PTGER3: variants seen among roughly 807,000 people sequenced by gnomAD.
PTGER3 encodes the protein prostaglandin E receptor 3.
PTGER3 carries 22 observed loss-of-function variants against 34.7 expected under a neutral mutation model. That is an observed-to-expected ratio of 0.63 (90% confidence interval 0.45 to 0.91). The LOEUF (loss-of-function observed/expected upper bound fraction) is 0.91. PTGER3 is among the 40% of genes least tolerant of loss of function. The pLI is 0.00. For missense variants in PTGER3, 468 were observed against 519.4 expected (o/e 0.90, Z 0.96); for synonymous variants, 241 against 230.1 (o/e 1.05, Z -0.43).
intron 1 of PTGER3, among the ~76,000 whole-genome samples, chr1:71,040,803 G>C (rs1402533879): frequency 6.6e-6 from 1 of 152,126 alleles, no homozygotes; most frequent in African/African-American, 2.4e-5. Flanking sequence ...AGGGAAATGC[G>C]GGGTATCATG....
chr1:70,894,350 T>C (rs1312593854), intron 4 of PTGER3, among the ~76,000 whole-genome samples: 1 of 148,442 alleles, frequency 6.7e-6, no homozygotes, highest in East Asian at 2.0e-4. Context: ...CTGATAAATT[T>C]GTTTTCTTAT....
chr1:71,012,554 T>C (rs1448821071), intron 1 of PTGER3, 70 bp from the exon 2 acceptor site: 1 of 1,340,464 alleles, frequency 7.5e-7, no homozygotes, highest in Non-Finnish European at 1.0e-6. Flanking sequence ...ACACTGTACT[T>C]TGCACATAGT....
chr1:70,990,177 C>A (rs373228848), intron 2 of PTGER3, among the ~76,000 whole-genome samples: 1 of 151,400 alleles, frequency 6.6e-6, no homozygotes, highest in Admixed American at 6.6e-5. Context: ...CACGGTGAAA[C>A]CCCCTCTCTA....
At chr1:70,947,232 A>G (rs1650303321) in intron 4 of PTGER3, 1 of 152,132 alleles carries the variant, frequency 6.6e-6, no homozygotes, top group Non-Finnish European at 1.5e-5. Flanking sequence ...CCCAAATTTC[A>G]ACTTGAATTG....
chr1:70,973,121 CGTGTGT>C lies in PTGER3; in HGVS notation c.1169+1170_1169+1175del, dbSNP rs71898506. Among the ~76,000 whole-genome samples the C allele has an allele frequency of 2.6e-3, 374 of 143,888 alleles. 1 individual carries two copies. Among genetic ancestry groups the C allele is most frequent in the Non-Finnish European group, 3.3e-3 (218 of 65,920 alleles). 94.4% of individuals were successfully genotyped at this position (143,888 alleles called of 152,430 possible). On this transcript the variant is annotated intron_variant, in intron 3 of 3. Coordinates refer to ENST00000306666, the MANE Select transcript of PTGER3 (RefSeq NM_198719.2). ...ACAGCAAAACAGTACCCAGTGTGCA[CGTGTGT>C]GTGTGTGTGTGTGTGTGTGTGTGTG...
chr1:70,930,255 C>G (rs1271717545), intron 4 of PTGER3, among the ~76,000 whole-genome samples: 1 of 152,206 alleles, frequency 6.6e-6, no homozygotes, highest in East Asian at 1.9e-4. Context: ...CCTACTGACC[C>G]AGACTCCCCA....
In PTGER3 at chr1:71,046,940, C is replaced by T; in HGVS notation, c.638G>A (p.Gly213Glu). ...WPGTWCFIST[G>E]RGGNGTSSSH... The stretch of plus-strand genomic sequence containing the variant: ...AGAGCTAGTCCCGTTGCCCCCTCGC[C>T]CGGTGCTGATGAAGCACCACGTCCC... The change falls in exon 1 of 4, where the codon GGG becomes GAG. Residue 213 changes from glycine (G) to glutamate (E), a missense_variant. Coordinates refer to ENST00000306666, the MANE Select transcript of PTGER3 (RefSeq NM_198719.2). 3.1e-6 allele frequency: 5 copies of T among 1,607,946 alleles called. No individual in the cohort carries two copies. Among genetic ancestry groups the T allele is most frequent in the Non-Finnish European group, 2.5e-6 (3 of 1,177,372 alleles).
intron 4 of PTGER3, among the ~76,000 whole-genome samples, chr1:70,897,590 A>C (rs1447161687): frequency 6.6e-6 from 1 of 152,110 alleles, no homozygotes; most frequent in Non-Finnish European, 1.5e-5. Flanking sequence ...CAACCCACCA[A>C]ACTGGCATAT....
intron 4 of PTGER3, among the ~76,000 whole-genome samples, chr1:70,906,553 T>C (rs1305966840): frequency 6.6e-6 from 1 of 152,202 alleles, no homozygotes; most frequent in African/African-American, 2.4e-5. Flanking sequence ...TCAATTGATC[T>C]AGGCATAAAT....
chr1:71,014,135 GT>G (rs201866660), intron 1 of PTGER3, among the ~76,000 whole-genome samples: 4 of 150,804 alleles, frequency 2.7e-5, no homozygotes, highest in Non-Finnish European at 4.4e-5. Context: ...GTGGCTTGTG[GT>G]TTTTTTTTGC....
At chr1:70,980,653 G>C (rs1360091505) in intron 2 of PTGER3, among the ~76,000 whole-genome samples, 1 of 152,052 alleles carries the variant, frequency 6.6e-6, no homozygotes, top group East Asian at 1.9e-4. Flanking sequence ...TTTAAAAAAG[G>C]GGTTAATGTA....
chr1:71,007,077 A>C, intron 2 of PTGER3: 1 of 984,942 alleles, frequency 1.0e-6, no homozygotes, highest in Non-Finnish European at 1.2e-6. Context: ...ATAAAACTTT[A>C]CATAGAGGTG....
Position 70,972,056 on chromosome 1 carries a change from G to A in PTGER3, c.1170-323C>T, listed in dbSNP as rs528370174. 2.0e-3 allele frequency among the ~76,000 whole-genome samples: 307 copies of A among 152,230 alleles called. 2 individuals carry two copies. The highest frequency in any genetic ancestry group is 7.1e-3 in the African/African-American group (293 of 41,514). ...CAAAACATCAAAGTAGGCCAGACGC[G>A]GTGGTTCATGCCTGTAATCCCAGCA... On this transcript the variant is annotated intron_variant, in intron 3 of 3. Coordinates refer to ENST00000306666, the MANE Select transcript of PTGER3 (RefSeq NM_198719.2).
At chr1:71,011,684 C>G (rs1406463912) in intron 2 of PTGER3, 1 of 974,628 alleles carries the variant, frequency 1.0e-6, no homozygotes, top group Non-Finnish European at 1.2e-6. Flanking sequence ...CTGTATTGAG[C>G]AATATTTGAA....
At chr1:70,936,850 G>A (rs534036280) in intron 4 of PTGER3, among the ~76,000 whole-genome samples, 1 of 152,094 alleles carries the variant, frequency 6.6e-6, no homozygotes, top group Non-Finnish European at 1.5e-5. Flanking sequence ...TTATTGCAGA[G>A]TCATTCTTTT....
rs1660975160 is a variant in PTGER3, at chr1:71,047,541, A to AG, written c.36dup (p.Phe13LeufsTer208). ...TAGGAGTGGTTGAGGCGGGTGCAGA[A>AG]GGGGGCATCCCCTCCGTAGCCCCGG... On this transcript the variant is annotated frameshift_variant, in exon 1 of 4. Transcript: ENST00000306666. LOFTEE classifies it high-confidence loss of function. 1 of 1,577,866 alleles carries AG rather than the reference A, an allele frequency of 6.3e-7. No individual in the cohort carries two copies. Among genetic ancestry groups the AG allele is most frequent in the African/African-American group, 1.3e-5 (1 of 74,546 alleles).
chr1:71,007,601 G>A (rs954710950), intron 2 of PTGER3: 10 of 985,196 alleles, frequency 1.0e-5, no homozygotes, highest in African/African-American at 1.7e-5. Flanking sequence ...CTTTTTCTAT[G>A]TTCTCTGCCC....
At chr1:70,952,102 T>C (rs942117693), downstream of PTGER3, among the ~76,000 whole-genome samples, 3 of 152,028 alleles carry the variant, frequency 2.0e-5, no homozygotes, top group Admixed American at 6.6e-5. Context: ...GGAGAAGTAT[T>C]AGGAGCAGGT....
chr1:70,918,711 C>T (rs1399922300), intron 4 of PTGER3, among the ~76,000 whole-genome samples: 3 of 151,988 alleles, frequency 2.0e-5, no homozygotes, highest in East Asian at 1.9e-4. Context: ...ATAGGTGATC[C>T]TCTAGCTCCT....
Sources: allele counts gnomAD v4.1 joint callset (sites outside exome capture counted in the v4.1 genomes callset), GRCh38; gene constraint gnomAD v4.1.1; transcripts MANE v1.5; gene names NCBI Gene and HGNC (gene_info 2026-07-23, HGNC 2026-07-21).